The following SGCD variants were observed in gnomAD, a reference collection of about 807,000 sequenced individuals.
The protein encoded by SGCD is delta-sarcoglycan.
Under a neutral mutation model 36.6 loss-of-function variants are expected in SGCD, and 18 were observed. The observed-to-expected ratio is 0.49, with a 90% CI of 0.34 to 0.73. The LOEUF is 0.73. Among genes scored for constraint, SGCD ranks in the 30% least tolerant of loss-of-function variants. The pLI, the probability that SGCD is intolerant of heterozygous loss-of-function variation, is 0.01. For synonymous variants in SGCD, 133 were observed against 130.6 expected (o/e 1.02, Z -0.12); for missense variants, 387 against 346.7 (o/e 1.12, Z -0.92).
chr5:156,689,096 G>A (rs991459715), intron 7 of SGCD, among the ~76,000 whole-genome samples: 3 of 152,128 alleles, frequency 2.0e-5, no homozygotes, highest in Non-Finnish European at 4.4e-5. Context: ...TCCAAATAAA[G>A]TCTGTAGTTT....
intron 1 of SGCD, among the ~76,000 whole-genome samples, chr5:155,886,418 G>A (rs1178495533): frequency 2.0e-5 from 3 of 152,152 alleles, no homozygotes; most frequent in Non-Finnish European, 4.4e-5. Context: ...TGGGTCATAT[G>A]TACATCCATG....
At chr5:156,077,019 C>G (rs971607892) in intron 1 of SGCD, among the ~76,000 whole-genome samples, 1 of 152,174 alleles carries the variant, frequency 6.6e-6, no homozygotes, top group Non-Finnish European at 1.5e-5. Context: ...TTATTCATCC[C>G]ATTTTATATT....
intron 3 of SGCD, among the ~76,000 whole-genome samples, chr5:156,285,638 T>A (rs1177179130): frequency 6.6e-6 from 1 of 152,220 alleles, no homozygotes; most frequent in Admixed American, 6.5e-5. Context: ...AAGCTGAAAC[T>A]GGATCCCTTC....
intron 3 of SGCD, among the ~76,000 whole-genome samples, chr5:156,482,741 T>C (rs1159443668): frequency 2.7e-5 from 4 of 150,630 alleles, no homozygotes; most frequent in East Asian, 2.0e-4. Context: ...AAGACACTTA[T>C]GTGAACATTA....
chr5:156,354,384 T>C (rs1457180501), intron 3 of SGCD, among the ~76,000 whole-genome samples: 3 of 151,706 alleles, frequency 2.0e-5, no homozygotes, highest in African/African-American at 7.3e-5. Flanking sequence ...AAAGAGGGGA[T>C]GGGGAAAGAT....
the SGCD span, among the ~76,000 whole-genome samples, chr5:155,813,121 A>G: frequency 6.6e-6 from 1 of 151,964 alleles, no homozygotes; most frequent in Non-Finnish European, 1.5e-5. Flanking sequence ...AGCAAAAAAA[A>G]GGGCTTGATC....
chr5:156,068,781 C>T (rs1447223925), intron 1 of SGCD, among the ~76,000 whole-genome samples: 1 of 151,686 alleles, frequency 6.6e-6, no homozygotes, highest in East Asian at 1.9e-4. Context: ...CTCTCCAGCA[C>T]CTGTTGTTTC....
At chr5:155,799,486 C>T in the SGCD span, among the ~76,000 whole-genome samples, 1 of 151,700 alleles carries the variant, frequency 6.6e-6, no homozygotes, top group African/African-American at 2.4e-5. Context: ...CTTCGTCTCC[C>T]TTGTTCAAGC....
chr5:156,222,082 A>G (rs964104748), intron 3 of SGCD, among the ~76,000 whole-genome samples: 1 of 152,064 alleles, frequency 6.6e-6, no homozygotes, highest in Non-Finnish European at 1.5e-5. Context: ...CACTAGAACC[A>G]ACAGATGTTG....
chr5:156,351,968 C>A (rs1294137397), intron 3 of SGCD, among the ~76,000 whole-genome samples: 1 of 151,124 alleles, frequency 6.6e-6, no homozygotes, highest in Non-Finnish European at 1.5e-5. Context: ...ACCCAGTATA[C>A]CACTAAATGC....
At chr5:156,513,234 G>C (rs1757018526) in intron 4 of SGCD, among the ~76,000 whole-genome samples, 2 of 152,194 alleles carry the variant, frequency 1.3e-5, no homozygotes, top group Admixed American at 1.3e-4. Flanking sequence ...AAAGAAACTG[G>C]GGTTCTGGTA....
chr5:156,425,031 G>C (rs1027124990), intron 3 of SGCD, among the ~76,000 whole-genome samples: 1 of 152,128 alleles, frequency 6.6e-6, no homozygotes, highest in East Asian at 1.9e-4. Flanking sequence ...GGAATAGCTT[G>C]CCATTTTTAT....
Position 156,503,350 on chromosome 5 carries a change from G to T in SGCD, c.193-5251G>T, listed in dbSNP as rs571243073. ...TTCCTTCTGATTATGTCTGGGGGTG[G>T]GTGAATGTTGTGTTGTAGTTAGGAT... On this transcript the variant is annotated intron_variant, in intron 3 of 8. Transcript: ENST00000337851. Among the ~76,000 whole-genome samples the T allele has an allele frequency of 2.0e-4, 30 of 152,230 alleles. No homozygotes were observed. In the Middle Eastern group the frequency reaches 0.01, roughly 52 times the overall value.
chr5:156,237,018 A>G (rs2127654158), intron 3 of SGCD, among the ~76,000 whole-genome samples: 1 of 151,402 alleles, frequency 6.6e-6, no homozygotes, highest in African/African-American at 2.4e-5. Flanking sequence ...TACTTTTAAT[A>G]GAGATGGAGT....
intron 3 of SGCD, among the ~76,000 whole-genome samples, chr5:156,414,053 T>A (rs1211981844): frequency 2.0e-5 from 3 of 152,248 alleles, no homozygotes; most frequent in Non-Finnish European, 2.9e-5. Flanking sequence ...AACTGTGCTC[T>A]GCACCCCATT....
At chr5:156,640,023 C>T (rs1276389360) in intron 6 of SGCD, among the ~76,000 whole-genome samples, 5 of 152,140 alleles carry the variant, frequency 3.3e-5, no homozygotes, top group African/African-American at 1.2e-4. Context: ...AGTAATAGCA[C>T]TTCCCCAGCA....
At chr5:156,715,225 A>C (rs1755164907) in intron 7 of SGCD, among the ~76,000 whole-genome samples, 1 of 152,334 alleles carries the variant, frequency 6.6e-6, no homozygotes, top group East Asian at 1.9e-4. Flanking sequence ...AGGTAAGATG[A>C]ATAATGATTA....
intron 7 of SGCD, among the ~76,000 whole-genome samples, chr5:156,711,849 A>G (rs1755008585): frequency 6.6e-6 from 1 of 152,198 alleles, no homozygotes; most frequent in Non-Finnish European, 1.5e-5. Flanking sequence ...AAGAAAGTAG[A>G]GAGACAAAAG....
chr5:155,862,461 A>T, the SGCD span, among the ~76,000 whole-genome samples: 10 of 152,104 alleles, frequency 6.6e-5, no homozygotes, highest in African/African-American at 2.2e-4. Flanking sequence ...TAAGTAGCTC[A>T]GACTACAGAC....
Sources: allele counts gnomAD v4.1 joint callset (sites outside exome capture counted in the v4.1 genomes callset), GRCh38; gene constraint gnomAD v4.1.1; transcripts MANE v1.5; gene names NCBI Gene and HGNC (gene_info 2026-07-23, HGNC 2026-07-21).